RBM20: variants seen among roughly 807,000 people sequenced by gnomAD.
RBM20 encodes RNA-binding protein 20.
RBM20 carries 51 observed loss-of-function variants against 110.1 expected under a neutral mutation model. That is an observed-to-expected ratio of 0.46 (90% confidence interval 0.37 to 0.59). The LOEUF is 0.59. RBM20 is among the 20% of genes least tolerant of loss of function. RBM20 has a pLI of 0.00. For synonymous variants in RBM20, 589 were observed against 618.2 expected (o/e 0.95, Z 0.70); for missense variants, 1,512 against 1,574.9 (o/e 0.96, Z 0.68).
At chr10:110,772,871 A>G (rs191776152) in intron 1 of RBM20, among the ~76,000 whole-genome samples, 1 of 152,386 alleles carries the variant, frequency 6.6e-6, no homozygotes. Flanking sequence ...TGAGTGGAAC[A>G]GACATTACGA....
chr10:110,695,606 A>G (rs1862652063), intron 1 of RBM20, among the ~76,000 whole-genome samples: 2 of 152,232 alleles, frequency 1.3e-5, no homozygotes, highest in African/African-American at 2.4e-5. Context: ...GAGAGGCCCA[A>G]GAGAAATGAT....
At chr10:110,767,905 C>A (rs923250425) in intron 1 of RBM20, among the ~76,000 whole-genome samples, 4 of 152,260 alleles carry the variant, frequency 2.6e-5, no homozygotes, top group Admixed American at 6.5e-5. Flanking sequence ...TTGTAGCCAG[C>A]CGAGATCACG....
At chr10:110,649,721 G>A (rs1047399738) in intron 1 of RBM20, among the ~76,000 whole-genome samples, 104 of 152,264 alleles carry the variant, frequency 6.8e-4, no homozygotes, top group African/African-American at 2.4e-3. Flanking sequence ...TGGTAGCTGC[G>A]TTTAGAGTGT....
chr10:110,738,538 C>T (rs1590646167), intron 1 of RBM20, among the ~76,000 whole-genome samples: 1 of 152,096 alleles, frequency 6.6e-6, no homozygotes, highest in Non-Finnish European at 1.5e-5. Flanking sequence ...TTCACTTTGA[C>T]CAAGGTCTGT....
intron 1 of RBM20, among the ~76,000 whole-genome samples, chr10:110,685,008 A>C (rs1216970017): frequency 2.6e-5 from 4 of 152,218 alleles, no homozygotes; most frequent in African/African-American, 9.7e-5. Flanking sequence ...CAAAAGCTTT[A>C]GCACAAGGAG....
chr10:110,719,060 C>T lies in RBM20; in HGVS notation c.192-61741C>T, dbSNP rs116345132. Among the ~76,000 whole-genome samples the T allele has an allele frequency of 4.9e-3, 745 of 152,330 alleles. 3 individuals are homozygous for T. Among genetic ancestry groups the T allele is most frequent in the African/African-American group, 0.017 (713 of 41,580 alleles). On this transcript the variant is annotated intron_variant, in intron 1 of 13. Transcript: ENST00000369519. ...AAGTTTGTGTTTGTTTTCCTACATA[C>T]ATTTGGAGACATATCTGTAGGTAGA...
intron 1 of RBM20, among the ~76,000 whole-genome samples, chr10:110,696,856 T>G (rs1439789473): frequency 2.0e-5 from 3 of 152,184 alleles, no homozygotes; most frequent in African/African-American, 7.2e-5. Flanking sequence ...ACTCTTACTT[T>G]TACAGCTTGA....
Position 110,730,998 on chromosome 10 carries a change from A to T in RBM20, c.192-49803A>T, listed in dbSNP as rs559193872. 3.3e-5 allele frequency among the ~76,000 whole-genome samples: 5 copies of T among 152,342 alleles called. No individual in the cohort carries two copies. The South Asian group carries it at 1.0e-3, about 32-fold the overall frequency. ...GAAACCAGTGGGCTAGAGCTCTTTA[A>T]CCATTGTGTAACTTATATGCTTTGT... On this transcript the variant is annotated intron_variant, in intron 1 of 13. Coordinates refer to ENST00000369519, the MANE Select transcript of RBM20 (RefSeq NM_001134363.3).
chr10:110,790,706 A>G (rs1747206989), intron 5 of RBM20, among the ~76,000 whole-genome samples: 1 of 152,186 alleles, frequency 6.6e-6, no homozygotes, highest in African/African-American at 2.4e-5. Context: ...ATTTAAATCG[A>G]TTTCTAGACA....
intron 1 of RBM20, chr10:110,756,364 G>A (rs1157964880): frequency 6.6e-6 from 1 of 152,216 alleles, no homozygotes; most frequent in Non-Finnish European, 1.5e-5. Context: ...TGGCATCCGT[G>A]CCCTCAGAAC....
At chr10:110,799,749 A>G in intron 6 of RBM20, 38 bp from the exon 7 acceptor site, 1 of 1,538,080 alleles carries the variant, frequency 6.5e-7, no homozygotes, top group South Asian at 1.2e-5. Flanking sequence ...AAGACCATTA[A>G]AGTCAAGTCC....
chr10:110,676,447 A>G (rs966261379), intron 1 of RBM20, among the ~76,000 whole-genome samples: 12 of 152,266 alleles, frequency 7.9e-5, no homozygotes, highest in African/African-American at 2.9e-4. Context: ...AAGGAAAAAA[A>G]CAGTGGAAGA....
intron 1 of RBM20, among the ~76,000 whole-genome samples, chr10:110,649,249 ATATT>A (rs1159938785): frequency 6.6e-6 from 1 of 151,548 alleles, no homozygotes; most frequent in African/African-American, 2.4e-5. Context: ...ATTTATTTAT[ATATT>A]TATTTATTTA....
chr10:110,681,495 T>C (rs961206954), intron 1 of RBM20, among the ~76,000 whole-genome samples: 3 of 152,228 alleles, frequency 2.0e-5, no homozygotes, highest in African/African-American at 7.2e-5. Flanking sequence ...GTCACTGGCT[T>C]GAAGTGTCAG....
chr10:110,712,540 G>A (rs1862949505), intron 1 of RBM20, among the ~76,000 whole-genome samples: 1 of 152,204 alleles, frequency 6.6e-6, no homozygotes, highest in South Asian at 2.1e-4. Context: ...GCCAAGGCGG[G>A]TGGATCACTT....
chr10:110,720,321 G>A (rs899500123), intron 1 of RBM20, among the ~76,000 whole-genome samples: 13 of 152,120 alleles, frequency 8.5e-5, no homozygotes, highest in Non-Finnish European at 1.8e-4. Flanking sequence ...GTGTCCACCC[G>A]GCCACCAGCA....
chr10:110,809,551 G>A (rs2135098307), intron 7 of RBM20, among the ~76,000 whole-genome samples: 1 of 152,132 alleles, frequency 6.6e-6, no homozygotes, highest in African/African-American at 2.4e-5. Flanking sequence ...TTTAGGAAAG[G>A]GCTTTGGTCG....
chr10:110,790,329 T>A (rs554653391), intron 5 of RBM20, among the ~76,000 whole-genome samples: 1 of 152,350 alleles, frequency 6.6e-6, no homozygotes, highest in Admixed American at 6.5e-5. Flanking sequence ...TCCAGCTCTG[T>A]CATTGCTCCT....
At chr10:110,815,500 T>C (rs1482142070) in intron 9 of RBM20, among the ~76,000 whole-genome samples, 1 of 152,168 alleles carries the variant, frequency 6.6e-6, no homozygotes, top group Non-Finnish European at 1.5e-5. Context: ...AAAAAGTGTA[T>C]GTGCTTGGAG....
Sources: gnomAD v4.1 joint callset for allele counts (sites outside exome capture counted in the v4.1 genomes callset) on GRCh38, gnomAD v4.1.1 for gene constraint, MANE v1.5 for transcripts, NCBI Gene and HGNC (gene_info 2026-07-23, HGNC 2026-07-21) for gene names.